SOCS2: variants seen among roughly 807,000 people sequenced by gnomAD.
The protein encoded by SOCS2 is CIS-2.
A neutral mutation model predicts 18.6 loss-of-function variants in SOCS2; 10 were observed. The observed-to-expected ratio is 0.54, with a 90% CI of 0.33 to 0.91. The LOEUF (loss-of-function observed/expected upper bound fraction) is 0.91. Among genes scored for constraint, SOCS2 ranks in the 40% least tolerant of loss-of-function variants. The pLI is 0.02. For synonymous variants in SOCS2, 104 were observed against 104.0 expected, an observed-to-expected ratio of 1.00 and a Z score of 0.00; for missense variants, 231 against 247.2, an observed-to-expected ratio of 0.93 and a Z score of 0.44.
downstream of SOCS2, among the ~76,000 whole-genome samples, chr12:93,583,842 T>C (rs535141334): frequency 6.6e-6 from 1 of 152,326 alleles, no homozygotes; most frequent in South Asian, 2.1e-4. Context: ...CCCACAAACA[T>C]CTGAAGTAGA....
the SOCS2 span, among the ~76,000 whole-genome samples, chr12:93,600,573 T>C: frequency 5.9e-5 from 9 of 152,254 alleles, no homozygotes; most frequent in Non-Finnish European, 8.8e-5. Context: ...CTGAAAACAA[T>C]TGCCATCTTT....
chr12:93,610,670 C>T, the SOCS2 span, among the ~76,000 whole-genome samples: 4 of 152,116 alleles, frequency 2.6e-5, no homozygotes, highest in East Asian at 3.9e-4. Flanking sequence ...TGCCCTAGTC[C>T]GTTTTTGCCC....
the SOCS2 span, among the ~76,000 whole-genome samples, chr12:93,612,768 G>T: frequency 6.6e-6 from 1 of 152,130 alleles, no homozygotes; most frequent in African/African-American, 2.4e-5. Flanking sequence ...AATCAATGGT[G>T]GTAGTATCAT....
the SOCS2 span, among the ~76,000 whole-genome samples, chr12:93,603,651 C>A: frequency 6.6e-5 from 10 of 152,116 alleles, no homozygotes; most frequent in Non-Finnish European, 1.3e-4. Flanking sequence ...TTACAAGTTA[C>A]CTTGTCTTCC....
chr12:93,575,251 C>A lies in SOCS2; in HGVS notation c.*72C>A. The A allele has an allele frequency of 9.6e-7, 1 of 1,043,512 alleles. No homozygotes were observed. Among genetic ancestry groups the A allele is most frequent in the Non-Finnish European group, 1.4e-6 (1 of 733,112 alleles). The allele number at this position is 1,043,512 out of a possible 1,614,324, so 64.6% of individuals were successfully genotyped here. On this transcript the variant is annotated 3_prime_UTR_variant, in exon 2 of 2. Coordinates refer to ENST00000551556, the MANE Select transcript of SOCS2 (RefSeq NM_001270471.2). ...GCAGCTATGTAAAAGAGAACCAAAA[C>A]TTGAGTGCTCTGGATAACTATATGG...
At position 93,575,246 on chromosome 12, in the gene SOCS2, C is replaced by A; in HGVS notation, c.*67C>A. 1.7e-6 allele frequency: 2 copies of A among 1,175,646 alleles called. No individual in the cohort carries two copies. Among genetic ancestry groups the A allele is most frequent in the Non-Finnish European group, 2.3e-6 (2 of 851,918 alleles). 72.8% of individuals were successfully genotyped at this position (1,175,646 alleles called of 1,614,324 possible). ...CGAATGCAGCTATGTAAAAGAGAAC[C>A]AAAACTTGAGTGCTCTGGATAACTA... On this transcript the variant is annotated 3_prime_UTR_variant, in exon 2 of 2. Transcript: ENST00000551556.
At chr12:93,572,113 C>A (rs1022432539), upstream of SOCS2, 1 of 170,804 alleles carries the variant, frequency 5.9e-6, no homozygotes, top group Non-Finnish European at 1.2e-5. This position sits in a 1 kb window ranked among gnomAD's most constrained non-coding sequence, Gnocchi z 5.0. Flanking sequence ...AGAGCGGGCA[C>A]CAGGAAGCGG....
At chr12:93,617,747 G>A in the SOCS2 span, among the ~76,000 whole-genome samples, 1 of 151,930 alleles carries the variant, frequency 6.6e-6, no homozygotes, top group African/African-American at 2.4e-5. Context: ...ATACTGGTTG[G>A]GAAAGACTGA....
the SOCS2 span, among the ~76,000 whole-genome samples, chr12:93,622,976 T>C: frequency 2.0e-5 from 3 of 152,202 alleles, no homozygotes; most frequent in Admixed American, 6.5e-5. Flanking sequence ...CATTTTAGGT[T>C]CAAAGTAGCA....
the SOCS2 span, among the ~76,000 whole-genome samples, chr12:93,607,703 T>C: frequency 6.6e-6 from 1 of 152,210 alleles, no homozygotes; most frequent in Non-Finnish European, 1.5e-5. Flanking sequence ...TAGTTGAAAC[T>C]TCATGACGAG....
downstream of SOCS2, among the ~76,000 whole-genome samples, chr12:93,579,150 C>A (rs1430222208): frequency 2.0e-5 from 3 of 152,222 alleles, no homozygotes; most frequent in Non-Finnish European, 4.4e-5. Context: ...GGCGACTGCC[C>A]GCCCTCCCAT....
the SOCS2 span, among the ~76,000 whole-genome samples, chr12:93,606,081 C>T: frequency 6.6e-6 from 1 of 152,210 alleles, no homozygotes; most frequent in African/African-American, 2.4e-5. Flanking sequence ...TTGCTCTGCT[C>T]TTCCTAGAGT....
the SOCS2 span, among the ~76,000 whole-genome samples, chr12:93,614,909 C>T: frequency 4.0e-5 from 6 of 150,602 alleles, no homozygotes; most frequent in Admixed American, 6.6e-5. Context: ...CCACAGCGCC[C>T]GGCGCCTTGT....
At chr12:93,615,114 G>C in the SOCS2 span, among the ~76,000 whole-genome samples, 1 of 152,048 alleles carries the variant, frequency 6.6e-6, no homozygotes, top group African/African-American at 2.4e-5. Context: ...CCCCCACTGG[G>C]ATAGGTGCCC....
the SOCS2 span, among the ~76,000 whole-genome samples, chr12:93,612,147 A>G: frequency 6.6e-6 from 1 of 152,196 alleles, no homozygotes; most frequent in Non-Finnish European, 1.5e-5. Context: ...GGATGTATCT[A>G]AACTGCTAAA....
chr12:93,584,655 T>C (rs1015235743), downstream of SOCS2, among the ~76,000 whole-genome samples: 1 of 145,110 alleles, frequency 6.9e-6, no homozygotes, highest in Non-Finnish European at 1.5e-5. Context: ...TGCATCTTAA[T>C]AATGATGCTA....
At chr12:93,573,747 G>C (rs891656016) in intron 1 of SOCS2, 4 of 152,262 alleles carry the variant, frequency 2.6e-5, no homozygotes, top group Admixed American at 2.6e-4. Flanking sequence ...GTAGCAACAG[G>C]GGGAGGGAGA....
chr12:93,623,856 C>T, the SOCS2 span, among the ~76,000 whole-genome samples: 1 of 152,172 alleles, frequency 6.6e-6, no homozygotes, highest in African/African-American at 2.4e-5. Context: ...AGGCACACAC[C>T]ACCATGTCCA....
the SOCS2 span, among the ~76,000 whole-genome samples, chr12:93,595,009 G>GT: frequency 6.6e-6 from 1 of 152,042 alleles, no homozygotes; most frequent in Admixed American, 6.5e-5. Context: ...ACTTCCTTAC[G>GT]TTTGTAAACT....
Sources: gnomAD v4.1 joint callset for allele counts (sites outside exome capture counted in the v4.1 genomes callset) on GRCh38, gnomAD v4.1.1 for gene constraint, Gnocchi (gnomAD v3.1) non-coding constraint, MANE v1.5 for transcripts, NCBI Gene and HGNC (gene_info 2026-07-23, HGNC 2026-07-21) for gene names.